The following ATP10B variants were observed in gnomAD, a reference collection of about 807,000 sequenced individuals.
ATP10B encodes ATPase phospholipid transporting 10B (putative).
A neutral mutation model predicts 141.2 loss-of-function variants in ATP10B; 122 were observed. The ratio of observed to expected loss-of-function variants is 0.86; its 90% CI spans 0.75 to 1.00. ATP10B has a LOEUF of 1.00. Among genes scored for constraint, ATP10B ranks in the 50% least tolerant of loss-of-function variants. The pLI is 0.00. For synonymous variants in ATP10B, 685 were observed against 692.0 expected (o/e 0.99, Z 0.16); for missense variants, 1,876 against 1,825.3 (o/e 1.03, Z -0.51).
intron 1 of ATP10B, among the ~76,000 whole-genome samples, chr5:160,834,505 G>A (rs903353909): frequency 4.6e-5 from 7 of 152,072 alleles, no homozygotes; most frequent in Non-Finnish European, 8.8e-5. Context: ...ATCATTAATG[G>A]ATCTGTACAA....
rs374676421 is a variant in ATP10B, at chr5:160,817,361, A to G, written c.-575-31558T>C. Among the ~76,000 whole-genome samples, 39 of 152,242 alleles carry G rather than the reference A, an allele frequency of 2.6e-4. No individual in the cohort carries two copies. In the South Asian group the frequency reaches 7.9e-3, roughly 31 times the overall value. On this transcript the variant is annotated intron_variant, in intron 1 of 25. Transcript: ENST00000327245. ...AAGCATTCTTATACACCAATAACAG[A>G]CAAACAGAGAGCCAAATCATGAGTG...
chr5:160,734,170 G>A (rs1340485450), intron 2 of ATP10B, among the ~76,000 whole-genome samples: 2 of 149,828 alleles, frequency 1.3e-5, no homozygotes. Context: ...AAACAACTAT[G>A]GAATTTGTTA....
At chr5:160,894,311 T>C in the ATP10B span, among the ~76,000 whole-genome samples, 1 of 151,770 alleles carries the variant, frequency 6.6e-6, no homozygotes. Context: ...CTTGAAAAAA[T>C]GTTACATGAA....
rs563886038 is a variant in ATP10B, at chr5:160,626,280, G to A, written c.1621-3695C>T. 3.9e-5 allele frequency among the ~76,000 whole-genome samples: 6 copies of A among 152,292 alleles called. 2 individuals are homozygous for A. Among genetic ancestry groups the A allele is most frequent in the African/African-American group, 1.4e-4 (6 of 41,554 alleles). ...CTTTCCATTGTAGACCATCTAAAATGCATACAAACCCCCTTTGAGGAAGCT... is the reference window on the plus strand; with the variant it reads ...CTTTCCATTGTAGACCATCTAAAATACATACAAACCCCCTTTGAGGAAGCT... On this transcript the variant is annotated intron_variant, in intron 13 of 25. Transcript: ENST00000327245.
chr5:160,582,850 T>A (rs147488594), intron 24 of ATP10B, among the ~76,000 whole-genome samples: 538 of 152,326 alleles, frequency 3.5e-3, no homozygotes, highest in Middle Eastern at 0.01. Flanking sequence ...CTGATATCCT[T>A]TCTTCCACTT....
intron 6 of ATP10B, among the ~76,000 whole-genome samples, chr5:160,680,596 T>C (rs1355364727): frequency 6.6e-6 from 1 of 152,234 alleles, no homozygotes; most frequent in East Asian, 1.9e-4. Flanking sequence ...TTTAAAGTGA[T>C]AGTGTTGAGG....
the ATP10B span, among the ~76,000 whole-genome samples, chr5:160,858,124 GT>G: frequency 3.3e-5 from 5 of 151,666 alleles, no homozygotes; most frequent in Non-Finnish European, 7.4e-5. Flanking sequence ...AGTCATATTG[GT>G]TTTTGTTTTA....
intron 1 of ATP10B, among the ~76,000 whole-genome samples, chr5:160,845,386 G>C (rs758186564): frequency 5.3e-5 from 8 of 152,092 alleles, no homozygotes; most frequent in Non-Finnish European, 8.8e-5. Context: ...CTTGGTGTTG[G>C]AAATTAGGAA....
At chr5:160,661,793 G>T (rs913850187) in intron 7 of ATP10B, among the ~76,000 whole-genome samples, 1 of 152,108 alleles carries the variant, frequency 6.6e-6, no homozygotes, top group Non-Finnish European at 1.5e-5. Context: ...GGAAGTTCTG[G>T]CCAGGGCAAT....
intron 1 of ATP10B, among the ~76,000 whole-genome samples, chr5:160,802,083 G>A (rs1285236443): frequency 2.0e-5 from 3 of 152,178 alleles, no homozygotes; most frequent in African/African-American, 7.2e-5. Context: ...AGACGTTGAA[G>A]GGATTTCTGC....
In ATP10B at chr5:160,701,879, C is replaced by A. The variant is rs115973619; in HGVS notation, c.-204-12936G>T. Among the ~76,000 whole-genome samples, 365 of 151,484 alleles carry A rather than the reference C, an allele frequency of 2.4e-3. 1 individual carries two copies. Among genetic ancestry groups the A allele is most frequent in the African/African-American group, 8.6e-3 (355 of 41,312 alleles). On this transcript the variant is annotated intron_variant, in intron 3 of 25. Coordinates refer to ENST00000327245, the MANE Select transcript of ATP10B (RefSeq NM_025153.3). ...GAGCAGTTACCCCTCTGCCCCAGTG[C>A]CTCCTGGGAGCAGTCATCATTCTAT...
chr5:160,720,652 T>G (rs150874946), intron 2 of ATP10B, among the ~76,000 whole-genome samples: 1 of 152,344 alleles, frequency 6.6e-6, no homozygotes, highest in African/African-American at 2.4e-5. Context: ...TTCTGGAAGA[T>G]TCTTCTTTTT....
At chr5:160,840,508 C>A (rs1417303774) in intron 1 of ATP10B, among the ~76,000 whole-genome samples, 2 of 151,772 alleles carry the variant, frequency 1.3e-5, no homozygotes, top group Non-Finnish European at 1.5e-5. Flanking sequence ...ACCATTTTTT[C>A]ACAAATAGAA....
chr5:160,743,608 C>T (rs532198605), intron 2 of ATP10B, among the ~76,000 whole-genome samples: 23 of 152,254 alleles, frequency 1.5e-4, no homozygotes, highest in African/African-American at 5.5e-4. Flanking sequence ...GGAATGACAA[C>T]AAACCACTAT....
intron 13 of ATP10B, among the ~76,000 whole-genome samples, chr5:160,623,846 C>A (rs1250254050): frequency 1.3e-5 from 2 of 152,128 alleles, no homozygotes; most frequent in South Asian, 4.2e-4. Context: ...TTGCTTTGGC[C>A]TGTATTTTAA....
the ATP10B span, among the ~76,000 whole-genome samples, chr5:160,891,043 GTTT>G: frequency 6.6e-6 from 1 of 152,070 alleles, no homozygotes; most frequent in South Asian, 2.1e-4. Context: ...TTGAATAACT[GTTT>G]TTAATTCTTT....
chr5:160,651,191 C>T (rs998689562), intron 7 of ATP10B, among the ~76,000 whole-genome samples: 3 of 152,066 alleles, frequency 2.0e-5, no homozygotes, highest in African/African-American at 7.2e-5. Context: ...AGAAGGCTCC[C>T]CATGGTCAAA....
At chr5:160,785,155 C>T (rs941748393) in intron 2 of ATP10B, among the ~76,000 whole-genome samples, 5 of 152,146 alleles carry the variant, frequency 3.3e-5, no homozygotes, top group African/African-American at 1.2e-4. Flanking sequence ...TACTGATTTA[C>T]TCCATTGACA....
intron 3 of ATP10B, among the ~76,000 whole-genome samples, chr5:160,708,302 A>G (rs972722414): frequency 3.7e-4 from 56 of 152,310 alleles, no homozygotes; most frequent in African/African-American, 1.3e-3. Context: ...ACGTGCAGGT[A>G]GCTACACTCA....
Sources: gnomAD v4.1 joint callset for allele counts (sites outside exome capture counted in the v4.1 genomes callset) on GRCh38, gnomAD v4.1.1 for gene constraint, MANE v1.5 for transcripts, NCBI Gene and HGNC (gene_info 2026-07-23, HGNC 2026-07-21) for gene names.